IGF1: variants seen among roughly 807,000 people sequenced by gnomAD.
IGF1 encodes insulin like growth factor 1.
A neutral mutation model predicts 13.8 loss-of-function variants in IGF1; 4 were observed. The observed-to-expected ratio is 0.29, with a 90% CI of 0.14 to 0.66. The LOEUF (loss-of-function observed/expected upper bound fraction) is 0.66. Ranked by LOEUF, IGF1 falls within the 30% of genes least tolerant of loss-of-function variation. The probability of loss-of-function intolerance (pLI) is 0.78; values close to 1 mark genes in which losing one functional copy is unlikely to be tolerated. For missense variants in IGF1, 124 were observed against 188.5 expected, an observed-to-expected ratio of 0.66 and a Z score of 2.00; for synonymous variants, 76 against 72.6, an observed-to-expected ratio of 1.05 and a Z score of -0.23.
intron 2 of IGF1, among the ~76,000 whole-genome samples, chr12:102,473,810 C>T (rs1417268179): frequency 6.6e-6 from 1 of 152,186 alleles, no homozygotes; most frequent in African/African-American, 2.4e-5. Context: ...TGTGCAAACA[C>T]TTATAAGTAT....
In IGF1 at chr12:102,419,774, A is replaced by T. The variant is rs1875535853; in HGVS notation, c.221-84T>A. The T allele has an allele frequency of 1.0e-5, 14 of 1,349,130 alleles. No homozygotes were observed. The South Asian group carries it at 1.3e-4, about 13-fold the overall frequency. The allele number at this position is 1,349,130 out of a possible 1,614,324, so 83.6% of individuals were successfully genotyped here. ...CCACCCAGCTCCTGCCTCTCCCCAC[A>T]GCTAGTCAACCTACATATTCTGCAA... On this transcript the variant is annotated intron_variant, in intron 2 of 3. Coordinates refer to ENST00000337514, the MANE Select transcript of IGF1 (RefSeq NM_000618.5).
At chr12:102,475,183 C>A (rs1016958362) in intron 2 of IGF1, among the ~76,000 whole-genome samples, 1 of 151,992 alleles carries the variant, frequency 6.6e-6, no homozygotes, top group African/African-American at 2.4e-5. Flanking sequence ...CTAGGATATG[C>A]CCTTTAATAT....
intron 2 of IGF1, among the ~76,000 whole-genome samples, chr12:102,434,263 A>G (rs1040907799): frequency 4.8e-5 from 7 of 145,086 alleles, no homozygotes; most frequent in African/African-American, 1.3e-4. Flanking sequence ...CTCGTCATCT[A>G]GCATTAGGTA....
intron 2 of IGF1, among the ~76,000 whole-genome samples, chr12:102,441,083 T>A (rs1877672645): frequency 6.6e-6 from 1 of 152,180 alleles, no homozygotes; most frequent in Admixed American, 6.5e-5. Flanking sequence ...TTCTATGCAG[T>A]CCCTTCACTG....
intron 2 of IGF1, among the ~76,000 whole-genome samples, chr12:102,434,130 A>G (rs1876990288): frequency 6.6e-6 from 1 of 151,738 alleles, no homozygotes; most frequent in Non-Finnish European, 1.5e-5. Context: ...AGGGCATTTC[A>G]AAAGTACAGT....
chr12:102,469,187 G>A (rs561806435), intron 2 of IGF1, among the ~76,000 whole-genome samples: 1 of 152,184 alleles, frequency 6.6e-6, no homozygotes, highest in Non-Finnish European at 1.5e-5. Flanking sequence ...TTATTTTGGG[G>A]AAGTTTCTTC....
intron 2 of IGF1, among the ~76,000 whole-genome samples, chr12:102,439,801 C>T (rs1565983277): frequency 6.6e-6 from 1 of 151,626 alleles, no homozygotes; most frequent in African/African-American, 2.4e-5. Context: ...GTGACTTAAT[C>T]ACCAGCACCA....
chr12:102,449,225 G>C (rs895228422), intron 2 of IGF1, among the ~76,000 whole-genome samples: 1 of 152,078 alleles, frequency 6.6e-6, no homozygotes, highest in Non-Finnish European at 1.5e-5. Context: ...GCCATGAAAA[G>C]GGATGAATTC....
chr12:102,475,049 G>A (rs1367471010), intron 2 of IGF1, among the ~76,000 whole-genome samples: 1 of 152,164 alleles, frequency 6.6e-6, no homozygotes, highest in African/African-American at 2.4e-5. Context: ...GTGGCATAGA[G>A]GGCAAATCAG....
At chr12:102,441,125 G>A (rs1349448663) in intron 2 of IGF1, among the ~76,000 whole-genome samples, 1 of 152,138 alleles carries the variant, frequency 6.6e-6, no homozygotes, top group East Asian at 1.9e-4. Flanking sequence ...TGACTCATGG[G>A]AATTATTTTC....
At chr12:102,403,667 T>C (rs1873879333) in intron 3 of IGF1, among the ~76,000 whole-genome samples, 1 of 145,896 alleles carries the variant, frequency 6.9e-6, no homozygotes, top group Non-Finnish European at 1.5e-5. Flanking sequence ...GACGGGGTTT[T>C]GCTATATTGC....
At chr12:102,409,291 C>A (rs1419192619) in intron 3 of IGF1, among the ~76,000 whole-genome samples, 2 of 152,198 alleles carry the variant, frequency 1.3e-5, no homozygotes, top group African/African-American at 4.8e-5. Flanking sequence ...TCTACATTTG[C>A]TCAAGCATTG....
At chr12:102,444,355 G>C (rs1030663357) in intron 2 of IGF1, among the ~76,000 whole-genome samples, 3 of 151,714 alleles carry the variant, frequency 2.0e-5, no homozygotes, top group Non-Finnish European at 4.4e-5. Context: ...CATCAGTTTG[G>C]GATTAACGGT....
Position 102,401,588 on chromosome 12 carries a change from A to G in IGF1, c.*919T>C, listed in dbSNP as rs963669327. 1.3e-5 allele frequency: 2 copies of G among 152,644 alleles called. No individual in the cohort carries two copies. The highest frequency in any genetic ancestry group is 2.9e-5 in the Non-Finnish European group (2 of 68,050). 9.5% of individuals were successfully genotyped at this position (152,644 alleles called of 1,614,324 possible). On this transcript the variant is annotated 3_prime_UTR_variant, in exon 4 of 4. Transcript: ENST00000337514. ...TTTTGGCCAGACTCTTTCATATAACAAACTACAAAATAGCACCATTATACT... is the reference window on the plus strand; with the variant it reads ...TTTTGGCCAGACTCTTTCATATAACGAACTACAAAATAGCACCATTATACT...
At chr12:102,443,509 C>T (rs753034596) in intron 2 of IGF1, among the ~76,000 whole-genome samples, 1 of 152,018 alleles carries the variant, frequency 6.6e-6, no homozygotes, top group Non-Finnish European at 1.5e-5. Context: ...GGTTCAGCAG[C>T]CCTGAACTAT....
intron 2 of IGF1, among the ~76,000 whole-genome samples, chr12:102,460,143 C>T (rs996325855): frequency 3.3e-5 from 5 of 152,164 alleles, no homozygotes; most frequent in African/African-American, 1.2e-4. Flanking sequence ...AGTTGTTAAT[C>T]TTTTGTTTTT....
At chr12:102,422,931 C>T (rs1313751020) in intron 2 of IGF1, 3 of 151,998 alleles carry the variant, frequency 2.0e-5, no homozygotes, top group African/African-American at 7.3e-5. Flanking sequence ...ACATATGGGA[C>T]AGATTTCAAT....
At chr12:102,428,852 T>A (rs558453325) in intron 2 of IGF1, among the ~76,000 whole-genome samples, 1 of 152,240 alleles carries the variant, frequency 6.6e-6, no homozygotes, top group Non-Finnish European at 1.5e-5. Flanking sequence ...TATTCACTTA[T>A]TTTCAGGTGG....
chr12:102,434,870 T>A (rs1877085491), intron 2 of IGF1, among the ~76,000 whole-genome samples: 1 of 151,980 alleles, frequency 6.6e-6, no homozygotes, highest in Non-Finnish European at 1.5e-5. Context: ...CTCATAGTGG[T>A]TTTGATTTGC....
Sources: allele counts gnomAD v4.1 joint callset (sites outside exome capture counted in the v4.1 genomes callset), GRCh38; gene constraint gnomAD v4.1.1; transcripts MANE v1.5; gene names NCBI Gene and HGNC (gene_info 2026-07-23, HGNC 2026-07-21).